Variants in PCDHA1 observed in about 807,000 individuals in gnomAD.
PCDHA1 encodes the protein protocadherin alpha-1.
A neutral mutation model predicts 61.3 loss-of-function variants in PCDHA1; 42 were observed. The ratio of observed to expected loss-of-function variants is 0.69; its 90% confidence interval spans 0.54 to 0.89. PCDHA1 has a LOEUF of 0.89. Ranked by LOEUF, PCDHA1 falls within the 40% of genes least tolerant of loss-of-function variation. The probability of loss-of-function intolerance (pLI) is 0.00; values close to 1 mark genes in which losing one functional copy is unlikely to be tolerated. For synonymous variants in PCDHA1, 610 were observed against 553.8 expected (o/e 1.10, Z -1.43); for missense variants, 1,256 against 1,235.3 (o/e 1.02, Z -0.25).
chr5:140,887,238 C>A (rs1191260946), intron 1 of PCDHA1, among the ~76,000 whole-genome samples: 3 of 151,738 alleles, frequency 2.0e-5, no homozygotes, highest in African/African-American at 4.8e-5. Flanking sequence ...CTGAGACTAC[C>A]GGCGCCCGCC....
In PCDHA1 at chr5:140,803,406, C is replaced by A. The variant is rs1554122792; in HGVS notation, c.2394+14722C>A. 4 of 1,614,226 alleles carry A rather than the reference C, an allele frequency of 2.5e-6. No individual in the cohort carries two copies. In the South Asian group the frequency reaches 4.4e-5, roughly 18 times the overall value. On this transcript the variant is annotated intron_variant, in intron 1 of 3. Transcript: ENST00000504120. ...CGAAGGCGACTGTGGGCCGGGCAAG[C>A]CCACGCTGGTGTGCTCCAGCGCGGT...
At position 140,837,344 on chromosome 5, in the gene PCDHA1, A is replaced by C. The variant is rs138416097; in HGVS notation, c.2394+48660A>C. ...GAAGAATTAATATGAACAATTTAAAATAGTTTAAATGGCAGTTTAATAGTA... is the reference window on the plus strand; with the variant it reads ...GAAGAATTAATATGAACAATTTAAACTAGTTTAAATGGCAGTTTAATAGTA... On this transcript the variant is annotated intron_variant, in intron 1 of 3. Transcript: ENST00000504120. Among the ~76,000 whole-genome samples, 56 of 152,138 alleles carry C rather than the reference A, an allele frequency of 3.7e-4. No individual in the cohort carries two copies. In the East Asian group the frequency reaches 0.01, roughly 28 times the overall value.
chr5:140,855,793 C>T (rs1383581085), intron 1 of PCDHA1: 1 of 456,918 alleles, frequency 2.2e-6, no homozygotes, highest in East Asian at 3.3e-5. Flanking sequence ...AAAGAATTAA[C>T]ATATGAATGA....
chr5:140,907,623 G>A (rs553186767), intron 1 of PCDHA1, among the ~76,000 whole-genome samples: 3 of 152,234 alleles, frequency 2.0e-5, no homozygotes, highest in Non-Finnish European at 2.9e-5. Context: ...AGGGCTCAGT[G>A]TTGGTCTCTG....
At chr5:140,877,209 G>C in intron 1 of PCDHA1, 1 of 1,613,794 alleles carries the variant, frequency 6.2e-7, no homozygotes, top group African/African-American at 1.3e-5. Context: ...CAGTTAGCGA[G>C]TTGGTACCGC....
chr5:141,000,292 T>C (rs2097899521), intron 3 of PCDHA1, among the ~76,000 whole-genome samples: 1 of 149,730 alleles, frequency 6.7e-6, no homozygotes, highest in Non-Finnish European at 1.5e-5. Flanking sequence ...GGAATATTGC[T>C]TGAGGCCAGG....
intron 1 of PCDHA1, chr5:140,866,107 G>T (rs2049153150): frequency 6.6e-6 from 1 of 152,146 alleles, no homozygotes; most frequent in African/African-American, 2.4e-5. Flanking sequence ...GTAATTAAGA[G>T]TTGCCTTATA....
intron 1 of PCDHA1, chr5:140,857,981 C>G (rs377577023): frequency 6.3e-7 from 1 of 1,596,978 alleles, no homozygotes; most frequent in Non-Finnish European, 8.6e-7. Flanking sequence ...GCCACGCCAG[C>G]GCCTACTGGT....
chr5:140,796,608 C>G (rs1762109271), intron 1 of PCDHA1: 1 of 1,613,584 alleles, frequency 6.2e-7, no homozygotes, highest in Non-Finnish European at 8.5e-7. Flanking sequence ...TGGGCAGCAA[C>G]GTGACGCTGC....
intron 1 of PCDHA1, chr5:140,816,555 C>T (rs1554127095): frequency 6.6e-6 from 1 of 151,082 alleles, no homozygotes; most frequent in Non-Finnish European, 1.5e-5. Flanking sequence ...TTTGATTGGG[C>T]CATGTTTCCT....
intron 1 of PCDHA1, among the ~76,000 whole-genome samples, chr5:140,799,197 C>T (rs1324412591): frequency 6.6e-6 from 1 of 152,064 alleles, no homozygotes; most frequent in Non-Finnish European, 1.5e-5. Flanking sequence ...CAAAATGGCT[C>T]AATCTTCTAA....
chr5:140,887,769 T>A (rs1012351831), intron 1 of PCDHA1, among the ~76,000 whole-genome samples: 23 of 152,212 alleles, frequency 1.5e-4, no homozygotes, highest in African/African-American at 5.5e-4. Flanking sequence ...TATGTTACAA[T>A]GACACAGGTC....
intron 1 of PCDHA1, among the ~76,000 whole-genome samples, chr5:140,947,528 T>C (rs1175792550): frequency 6.6e-6 from 1 of 151,692 alleles, no homozygotes; most frequent in African/African-American, 2.4e-5. Context: ...GAATCAACTT[T>C]TCAATTTCTA....
chr5:140,798,436 A>G (rs1762326661), intron 1 of PCDHA1, among the ~76,000 whole-genome samples: 1 of 152,222 alleles, frequency 6.6e-6, no homozygotes, highest in African/African-American at 2.4e-5. Flanking sequence ...ACATTTAAAA[A>G]TCACACTGGG....
At chr5:140,834,327 T>A (rs1181484753) in intron 1 of PCDHA1, 1 of 1,451,888 alleles carries the variant, frequency 6.9e-7, no homozygotes, top group Non-Finnish European at 9.4e-7. Flanking sequence ...GATAAAAACA[T>A]TCCTATAAAT....
At chr5:141,000,538 A>C (rs31871) in intron 3 of PCDHA1, among the ~76,000 whole-genome samples, 70,673 of 145,962 alleles carry the variant, frequency 0.48, 18,171 homozygotes, top group African/African-American at 0.68. Flanking sequence ...AGTGATTCTC[A>C]TGCCTCAAAC....
intron 1 of PCDHA1, among the ~76,000 whole-genome samples, chr5:140,922,458 C>A (rs782064554): frequency 6.6e-6 from 1 of 152,160 alleles, no homozygotes; most frequent in Non-Finnish European, 1.5e-5. Context: ...TATTTGTCAA[C>A]ACAAAATAGG....
chr5:140,842,553 G>A (rs144906391), intron 1 of PCDHA1: 24 of 1,453,612 alleles, frequency 1.7e-5, no homozygotes. Flanking sequence ...GTGCTGGACA[G>A]CGCCCTGGAC....
chr5:140,836,399 C>G (rs2150259749), intron 1 of PCDHA1: 9 of 1,613,764 alleles, frequency 5.6e-6, no homozygotes, highest in Non-Finnish European at 7.6e-6. Context: ...TGGTGGAAAG[C>G]GGCCAGGCAC....
Sources: gnomAD v4.1 joint callset for allele counts (sites outside exome capture counted in the v4.1 genomes callset) on GRCh38, gnomAD v4.1.1 for gene constraint, MANE v1.5 for transcripts, NCBI Gene and HGNC (gene_info 2026-07-23, HGNC 2026-07-21) for gene names.